Variants in LRRC4C observed in about 807,000 individuals in gnomAD.
LRRC4C encodes leucine rich repeat containing 4C.
Under a neutral mutation model 33.6 loss-of-function variants are expected in LRRC4C, and 5 were observed. The observed-to-expected ratio is 0.15, with a 90% CI of 0.08 to 0.31. The LOEUF is 0.31. Among genes scored for constraint, LRRC4C ranks in the 10% least tolerant of loss-of-function variants. LRRC4C has a pLI of 1.00. For synonymous variants in LRRC4C, 329 were observed against 302.0 expected (o/e 1.09, Z -0.93); for missense variants, 560 against 796.7 (o/e 0.70, Z 3.58).
intron 1 of LRRC4C, among the ~76,000 whole-genome samples, chr11:41,458,552 A>AG (rs938386681): frequency 3.6e-5 from 3 of 84,400 alleles, no homozygotes; most frequent in African/African-American, 1.4e-4. Flanking sequence ...GGTGGGGGGG[A>AG]GGGGGGCGGG....
At chr11:41,381,584 G>A (rs112687517) in intron 1 of LRRC4C, among the ~76,000 whole-genome samples, 11,396 of 149,208 alleles carry the variant, frequency 0.076, 579 homozygotes, top group South Asian at 0.16. Context: ...CCAAGATTGC[G>A]CCACTGTACT....
intron 2 of LRRC4C, among the ~76,000 whole-genome samples, chr11:40,921,937 T>C (rs758281975): frequency 1.3e-5 from 2 of 152,214 alleles, no homozygotes; most frequent in Non-Finnish European, 2.9e-5. Flanking sequence ...CTCTACTCTG[T>C]AATATTCCTT....
chr11:41,220,752 T>A (rs935162807), intron 1 of LRRC4C, among the ~76,000 whole-genome samples: 1 of 152,010 alleles, frequency 6.6e-6, no homozygotes, highest in African/African-American at 2.4e-5. Context: ...CCCAAGAAAA[T>A]TGAGATGATT....
intron 3 of LRRC4C, among the ~76,000 whole-genome samples, chr11:40,503,477 G>T (rs182665847): frequency 6.6e-6 from 1 of 152,266 alleles, no homozygotes; most frequent in East Asian, 1.9e-4. Flanking sequence ...ATGCTAAGCT[G>T]GTTACTGTGA....
chr11:40,569,641 C>G (rs993239476), intron 3 of LRRC4C, among the ~76,000 whole-genome samples: 1 of 152,024 alleles, frequency 6.6e-6, no homozygotes, highest in Non-Finnish European at 1.5e-5. Context: ...ACTGTCTGTT[C>G]TACAGGGAAG....
intron 3 of LRRC4C, among the ~76,000 whole-genome samples, chr11:40,621,263 C>T (rs1354393277): frequency 1.3e-5 from 2 of 150,782 alleles, no homozygotes; most frequent in Non-Finnish European, 3.0e-5. Context: ...TTTTTTAATC[C>T]TGAAAATAAT....
At chr11:41,426,344 A>G (rs1955042843) in intron 1 of LRRC4C, 1 of 152,190 alleles carries the variant, frequency 6.6e-6, no homozygotes, top group African/African-American at 2.4e-5. Context: ...CCGACTGAGA[A>G]CAGTTATTAC....
At chr11:40,724,267 A>T (rs919143071) in intron 2 of LRRC4C, among the ~76,000 whole-genome samples, 5 of 152,200 alleles carry the variant, frequency 3.3e-5, no homozygotes, top group Non-Finnish European at 7.3e-5. Flanking sequence ...TCTAATAGAC[A>T]TTGGCAGAAT....
chr11:40,484,011 A>G (rs542161228), intron 3 of LRRC4C, among the ~76,000 whole-genome samples: 13 of 152,226 alleles, frequency 8.5e-5, no homozygotes, highest in African/African-American at 2.4e-4. Context: ...AAAAAACAGT[A>G]CTGATATACC....
intron 3 of LRRC4C, among the ~76,000 whole-genome samples, chr11:40,567,735 A>C (rs182969426): frequency 6.6e-6 from 1 of 152,344 alleles, no homozygotes; most frequent in East Asian, 1.9e-4. Flanking sequence ...TAAGAGTCAG[A>C]TAAGACATAA....
intron 3 of LRRC4C, among the ~76,000 whole-genome samples, chr11:40,443,970 A>C (rs1021479869): frequency 6.6e-6 from 1 of 152,210 alleles, no homozygotes; most frequent in Non-Finnish European, 1.5e-5. Context: ...ATTGTAAAAA[A>C]GTTAGTTTAT....
At chr11:40,499,773 G>C (rs1225667277) in intron 3 of LRRC4C, among the ~76,000 whole-genome samples, 1 of 152,118 alleles carries the variant, frequency 6.6e-6, no homozygotes, top group Admixed American at 6.5e-5. Flanking sequence ...CGTGAAAGGG[G>C]AAATGAGTAG....
At chr11:40,939,809 T>C (rs991142709) in intron 1 of LRRC4C, among the ~76,000 whole-genome samples, 1 of 152,160 alleles carries the variant, frequency 6.6e-6, no homozygotes, top group Non-Finnish European at 1.5e-5. Flanking sequence ...TTGGAAACAG[T>C]CCAACTCAGC....
intron 1 of LRRC4C, among the ~76,000 whole-genome samples, chr11:41,399,490 T>C (rs887306359): frequency 2.0e-5 from 3 of 151,972 alleles, no homozygotes; most frequent in African/African-American, 7.2e-5. Flanking sequence ...TGACAGGCTT[T>C]CCTTCACGGA....
chr11:41,001,430 C>CT (rs1450061582), intron 1 of LRRC4C, among the ~76,000 whole-genome samples: 1 of 152,122 alleles, frequency 6.6e-6, no homozygotes, highest in East Asian at 1.9e-4. Flanking sequence ...ATCTTATCTT[C>CT]TTAAGACATG....
intron 4 of LRRC4C, among the ~76,000 whole-genome samples, chr11:40,294,852 T>TA (rs1158084577): frequency 2.6e-4 from 39 of 148,848 alleles, no homozygotes; most frequent in Admixed American, 1.0e-3. Context: ...AATAAATAAA[T>TA]AAAAAAAAAG....
intron 2 of LRRC4C, among the ~76,000 whole-genome samples, chr11:40,747,526 G>A (rs371356705): frequency 1.2e-4 from 19 of 152,048 alleles, no homozygotes; most frequent in East Asian, 3.9e-4. Context: ...TGTCACCACC[G>A]AAGGAGCGTG....
chr11:40,623,232 T>C (rs1962624403), intron 3 of LRRC4C, among the ~76,000 whole-genome samples: 1 of 151,912 alleles, frequency 6.6e-6, no homozygotes, highest in Admixed American at 6.6e-5. Flanking sequence ...GATATGTTCA[T>C]CTTTATGCTG....
intron 1 of LRRC4C, among the ~76,000 whole-genome samples, chr11:41,418,110 C>G (rs1455527731): frequency 6.6e-6 from 1 of 151,894 alleles, no homozygotes; most frequent in African/African-American, 2.4e-5. Flanking sequence ...AGCTTCATGT[C>G]TGCCATAACC....
Sources: allele counts gnomAD v4.1 joint callset (sites outside exome capture counted in the v4.1 genomes callset), GRCh38; gene constraint gnomAD v4.1.1; transcripts MANE v1.5; gene names NCBI Gene and HGNC (gene_info 2026-07-23, HGNC 2026-07-21).